Variants in AFF2 observed in about 807,000 individuals in gnomAD.
AFF2 encodes ALF transcription elongation factor 2.
In AFF2, 14 loss-of-function variants were observed where a neutral mutation model predicts 76.9. The ratio of observed to expected loss-of-function variants is 0.18; its 90% CI spans 0.12 to 0.28. AFF2 has a LOEUF of 0.28. AFF2 is among the 10% of genes least tolerant of loss of function. The pLI, the probability that AFF2 is intolerant of heterozygous loss-of-function variation, is 1.00. For missense variants in AFF2, 868 were observed against 1,001.1 expected, an observed-to-expected ratio of 0.87 and a Z score of 1.79; for synonymous variants, 398 against 366.7, an observed-to-expected ratio of 1.09 and a Z score of -0.98.
intron 7 of AFF2, among the ~76,000 whole-genome samples, chrX:148,849,358 C>CAATG (rs1557275066): frequency 6.2e-5 from 2 of 32,397 alleles, no homozygotes; most frequent in Non-Finnish European, 9.5e-5. Flanking sequence ...AAATGTCTCT[C>CAATG]TCTCTCCTCC....
intron 1 of AFF2, among the ~76,000 whole-genome samples, chrX:148,578,826 T>C (rs1557243902): frequency 8.9e-6 from 1 of 112,123 alleles, no homozygotes; most frequent in African/African-American, 3.2e-5. Context: ...CTTTAATGTG[T>C]GGAGGGCATC....
intron 3 of AFF2, among the ~76,000 whole-genome samples, chrX:148,808,736 A>G (rs1557271539): frequency 8.9e-6 from 1 of 112,141 alleles, no homozygotes; most frequent in African/African-American, 3.2e-5. Context: ...AAGGTCTTCA[A>G]TAAATACTGG....
chrX:148,646,018 A>C (rs1342132220), intron 1 of AFF2, among the ~76,000 whole-genome samples: 1 of 112,274 alleles, frequency 8.9e-6, no homozygotes, highest in East Asian at 2.8e-4. Context: ...ATGCTCAGTG[A>C]AAGAGGCCAT....
chrX:148,819,445 C>G (rs190812731), intron 4 of AFF2, among the ~76,000 whole-genome samples: 157 of 111,263 alleles, frequency 1.4e-3, no homozygotes, highest in African/African-American at 4.9e-3. Context: ...TACTTATTTC[C>G]CATTTGTATA....
At chrX:148,969,147 C>G (rs149543267) in intron 15 of AFF2, among the ~76,000 whole-genome samples, 1 of 112,777 alleles carries the variant, frequency 8.9e-6, no homozygotes, top group Non-Finnish European at 1.9e-5. Context: ...TGATTATGAA[C>G]TAACATCACT....
At chrX:148,690,919 T>C (rs1457240093) in intron 3 of AFF2, among the ~76,000 whole-genome samples, 1 of 111,808 alleles carries the variant, frequency 8.9e-6, no homozygotes, top group Non-Finnish European at 1.9e-5. Context: ...ATTCTCCCCA[T>C]GTCTTCATGT....
intron 7 of AFF2, among the ~76,000 whole-genome samples, chrX:148,853,127 A>G (rs1557275570): frequency 8.9e-6 from 1 of 112,030 alleles, no homozygotes; most frequent in Non-Finnish European, 1.9e-5. Flanking sequence ...TTTCAACTGA[A>G]ATCTTATTAA....
rs1468167008 is a variant in AFF2 at position 148,848,013 on chromosome X, G to C, written c.1262+4580G>C. ...ACAGAAGAGCCCTCTGAGTCATAAT[G>C]CTCCTCAGTGAGAAAGTTTGAATGC... On this transcript the variant is annotated intron_variant, in intron 7 of 20. Transcript: ENST00000370460. 2.7e-5 allele frequency among the ~76,000 whole-genome samples: 3 copies of C among 111,338 alleles called. No homozygotes were observed. In the Admixed American group the frequency reaches 2.9e-4, roughly 11 times the overall value.
intron 3 of AFF2, among the ~76,000 whole-genome samples, chrX:148,804,634 C>G (rs782293777): frequency 8.9e-6 from 1 of 112,644 alleles, no homozygotes; most frequent in South Asian, 3.7e-4. Context: ...AAAGTAAACA[C>G]CAGCTCTTTG....
At chrX:148,681,007 C>T (rs934532824) in intron 3 of AFF2, among the ~76,000 whole-genome samples, 2 of 111,479 alleles carry the variant, frequency 1.8e-5, no homozygotes, top group Non-Finnish European at 3.8e-5. Context: ...AAACTGTGGA[C>T]CTCCAAGGGA....
chrX:148,780,923 G>A (rs1022631040), intron 3 of AFF2, among the ~76,000 whole-genome samples: 3 of 111,759 alleles, frequency 2.7e-5, no homozygotes, highest in Non-Finnish European at 3.8e-5. Flanking sequence ...GGTGAACTTC[G>A]GATGGAGTTT....
chrX:148,882,867 A>C (rs1221702619), intron 7 of AFF2, among the ~76,000 whole-genome samples: 5 of 112,054 alleles, frequency 4.5e-5, no homozygotes, highest in African/African-American at 1.6e-4. Context: ...TCCTCCAGAG[A>C]TAACTAATAG....
intron 3 of AFF2, among the ~76,000 whole-genome samples, chrX:148,791,058 C>G (rs1257002205): frequency 9.0e-6 from 1 of 111,472 alleles, no homozygotes; most frequent in East Asian, 2.8e-4. Context: ...TAAGGAGGAC[C>G]CATTTTACCA....
chrX:148,748,881 A>G (rs1557266275), intron 3 of AFF2, among the ~76,000 whole-genome samples: 1 of 111,664 alleles, frequency 9.0e-6, no homozygotes, highest in East Asian at 2.8e-4. Flanking sequence ...TACTGAATTA[A>G]CTCCCAGGAT....
intron 3 of AFF2, among the ~76,000 whole-genome samples, chrX:148,800,837 A>T (rs1188443834): frequency 8.9e-6 from 1 of 112,265 alleles, no homozygotes; most frequent in Non-Finnish European, 1.9e-5. Flanking sequence ...CACATATTAA[A>T]TGTGTAAAAT....
intron 3 of AFF2, among the ~76,000 whole-genome samples, chrX:148,702,555 A>G (rs782125935): frequency 5.4e-5 from 6 of 111,879 alleles, no homozygotes; most frequent in South Asian, 3.7e-4. Context: ...CCCTTCACCA[A>G]GTGAATGAAT....
intron 3 of AFF2, among the ~76,000 whole-genome samples, chrX:148,780,473 T>C (rs959766453): frequency 7.1e-5 from 8 of 112,172 alleles, no homozygotes; most frequent in Non-Finnish European, 1.1e-4. Context: ...TCTAATCTTG[T>C]CTTCATGCTT....
chrX:148,933,026 A>G (rs2071732685), intron 9 of AFF2, among the ~76,000 whole-genome samples: 1 of 112,283 alleles, frequency 8.9e-6, no homozygotes, highest in Non-Finnish European at 1.9e-5. Flanking sequence ...GAAATAAATC[A>G]GGGGATTGTG....
chrX:148,794,857 A>G (rs1557270250), intron 3 of AFF2, among the ~76,000 whole-genome samples: 1 of 111,716 alleles, frequency 9.0e-6, no homozygotes, highest in Non-Finnish European at 1.9e-5. Context: ...TCTATGTTAA[A>G]CAACAGCAGC....
Sources: allele counts gnomAD v4.1 joint callset (sites outside exome capture counted in the v4.1 genomes callset), GRCh38; gene constraint gnomAD v4.1.1; transcripts MANE v1.5; gene names NCBI Gene and HGNC (gene_info 2026-07-23, HGNC 2026-07-21).